Variants in MAP4K4 observed in about 807,000 individuals in gnomAD.
MAP4K4 encodes the protein HPK/GCK-like kinase HGK.
MAP4K4 carries 38 observed loss-of-function variants against 189.6 expected under a neutral mutation model. The ratio of observed to expected loss-of-function variants is 0.20; its 90% CI spans 0.15 to 0.26. The LOEUF (loss-of-function observed/expected upper bound fraction) is 0.26. MAP4K4 is among the 10% of genes least tolerant of loss of function. MAP4K4 has a pLI of 1.00. For synonymous variants in MAP4K4, 610 were observed against 624.3 expected (o/e 0.98, Z 0.34); for missense variants, 1,054 against 1,726.9 (o/e 0.61, Z 6.91).
chr2:101,776,653 G>T lies in MAP4K4; in HGVS notation c.124-14067G>T, dbSNP rs566692564. 2.3e-5 allele frequency among the ~76,000 whole-genome samples: 3 copies of T among 128,034 alleles called. No individual in the cohort carries two copies. In the East Asian group the frequency reaches 7.1e-4, roughly 30 times the overall value. 84.0% of individuals were successfully genotyped at this position (128,034 alleles called of 152,430 possible). A position where few individuals can be genotyped will look rare whatever the true frequency, so the allele number is the denominator to read the frequency against. ...AATGAATTACTAGGGAGGATTTATT[G>T]CCAGGGAGAAGAACCCTGCTATTAG... is the stretch of plus-strand genomic sequence containing the variant. On this transcript the variant is annotated intron_variant, in intron 2 of 32. Coordinates refer to ENST00000324219, the Ensembl canonical transcript of MAP4K4.
In MAP4K4 at chr2:101,856,178, G is replaced by C. The variant is rs767469462; in HGVS notation, c.1395+40G>C. ...AACATAGCAGGCATACACTTGTGAA[G>C]TTTGTTACTTTGCAGAGCTGGGGGA... On this transcript the variant is annotated intron_variant, in intron 13 of 32. Transcript: ENST00000324219. 4 of 1,536,218 alleles carry C rather than the reference G, an allele frequency of 2.6e-6. No individual in the cohort carries two copies. In the South Asian group the frequency reaches 3.7e-5, roughly 14 times the overall value.
Position 101,809,528 on chromosome 2 carries a change from G to A in MAP4K4, c.181-14400G>A, listed in dbSNP as rs148270076. 6.7e-3 allele frequency among the ~76,000 whole-genome samples: 1,012 copies of A among 152,158 alleles called. 11 individuals are homozygous for A. Among genetic ancestry groups the A allele is most frequent in the African/African-American group, 0.024 (979 of 41,502 alleles). ...TGAATATAAATAAAACTGAAGTTAG[G>A]GAAAGGAAGCAGCATATTACTTAGA... On this transcript the variant is annotated intron_variant, in intron 3 of 32. Coordinates refer to ENST00000324219, the Ensembl canonical transcript of MAP4K4.
intron 2 of MAP4K4, among the ~76,000 whole-genome samples, chr2:101,744,668 C>A (rs1286062279): frequency 1.3e-5 from 2 of 152,144 alleles, no homozygotes; most frequent in Non-Finnish European, 1.5e-5. Context: ...GCTTTACCTT[C>A]TCTCCAAGAG....
At chr2:101,732,904 A>G (rs2059079193) in intron 2 of MAP4K4, among the ~76,000 whole-genome samples, 1 of 152,122 alleles carries the variant, frequency 6.6e-6, no homozygotes, top group South Asian at 2.1e-4. Flanking sequence ...CTCCCATTTT[A>G]AGTGCCGGTG....
At position 101,887,982 on chromosome 2, in the gene MAP4K4, G is replaced by A. The variant is rs762343390; in HGVS notation, c.3931+45G>A. On this transcript the variant is annotated intron_variant, in intron 31 of 32. Coordinates refer to ENST00000324219, the Ensembl canonical transcript of MAP4K4. Reference sequence around the variant, plus strand: ...AGGCAGCATTTGTGAAAATGGAGCCGTGTCTGAGACTCCATTTATTTATCA... The same window carrying A: ...AGGCAGCATTTGTGAAAATGGAGCCATGTCTGAGACTCCATTTATTTATCA... 9.3e-6 allele frequency: 14 copies of A among 1,502,178 alleles called. No individual in the cohort carries two copies. In the Admixed American group the frequency reaches 9.9e-5, roughly 11 times the overall value. 93.1% of individuals were successfully genotyped at this position (1,502,178 alleles called of 1,614,324 possible). A position where few individuals can be genotyped will look rare whatever the true frequency, so the allele number is the denominator to read the frequency against.
At chr2:101,750,007 A>G (rs2149941573) in intron 2 of MAP4K4, among the ~76,000 whole-genome samples, 1 of 146,742 alleles carries the variant, frequency 6.8e-6, no homozygotes, top group South Asian at 2.1e-4. Context: ...AAGTCTGGAA[A>G]CAACAGGTGC....
chr2:101,844,397 T>TGA, intron 12 of MAP4K4, 86 bp downstream of exon 12: 8 of 1,070,312 alleles, frequency 7.5e-6, no homozygotes, highest in Non-Finnish European at 1.1e-5. Context: ...GAATATCCTC[T>TGA]GTAGCTTCCT....
chr2:101,877,216 CTT>C, intron 27 of MAP4K4, 70 bp downstream of exon 27: 6 of 1,474,738 alleles, frequency 4.1e-6, no homozygotes, highest in Non-Finnish European at 5.6e-6. Flanking sequence ...ACACACTAAA[CTT>C]CAGTTAGCTC....
intron 7 of MAP4K4, among the ~76,000 whole-genome samples, chr2:101,833,557 T>C (rs1164574424): frequency 6.6e-6 from 1 of 151,606 alleles, no homozygotes; most frequent in Non-Finnish European, 1.5e-5. Flanking sequence ...GAGGTGGAGC[T>C]TGCGGTGAGC....
intron 20 of MAP4K4, 48 bp downstream of exon 20, chr2:101,867,357 ATCTT>A: frequency 7.2e-7 from 1 of 1,388,446 alleles, no homozygotes; most frequent in Non-Finnish European, 1.0e-6. Context: ...CTTGAATGAG[ATCTT>A]TCTATTAAAA....
At chr2:101,726,665 A>C (rs144843581) in intron 2 of MAP4K4, among the ~76,000 whole-genome samples, 455 of 152,322 alleles carry the variant, frequency 3.0e-3, no homozygotes, top group Non-Finnish European at 5.5e-3. Context: ...TTTGGACTTA[A>C]AGAGCCTTAA....
intron 26 of MAP4K4, among the ~76,000 whole-genome samples, chr2:101,875,129 A>C (rs1261622013): frequency 6.6e-6 from 1 of 152,224 alleles, no homozygotes; most frequent in East Asian, 1.9e-4. Context: ...TCTGTCTGGC[A>C]GCAGTTCTAT....
chr2:101,784,870 G>A (rs1440804589), intron 2 of MAP4K4, among the ~76,000 whole-genome samples: 1 of 152,142 alleles, frequency 6.6e-6, no homozygotes, highest in Non-Finnish European at 1.5e-5. Flanking sequence ...TGTGACTCTT[G>A]AGCTTGTTAA....
intron 3 of MAP4K4, among the ~76,000 whole-genome samples, chr2:101,816,653 C>G (rs546706105): frequency 6.6e-6 from 1 of 152,168 alleles, no homozygotes; most frequent in South Asian, 2.1e-4. Flanking sequence ...CCTTTTGCTC[C>G]GGGAATGACT....
intron 2 of MAP4K4, among the ~76,000 whole-genome samples, chr2:101,749,129 T>C (rs1400846642): frequency 3.3e-5 from 5 of 150,002 alleles, no homozygotes; most frequent in Admixed American, 6.6e-5. Flanking sequence ...AAGCTACCAA[T>C]GCCTTTCTTC....
At chr2:101,757,720 T>C (rs1161854517) in intron 2 of MAP4K4, among the ~76,000 whole-genome samples, 1 of 152,126 alleles carries the variant, frequency 6.6e-6, no homozygotes, top group African/African-American at 2.4e-5. Context: ...CAAAAGCTAA[T>C]AATAAAATAC....
In MAP4K4 at chr2:101,860,598, T is replaced by C. The variant is rs1405136178; in HGVS notation, c.1705-227T>C. The C allele has an allele frequency of 8.7e-6, 4 of 459,584 alleles. No homozygotes were observed. The East Asian group carries it at 1.4e-4, about 17-fold the overall frequency. The allele number at this position is 459,584 out of a possible 1,614,324, so 28.5% of individuals were successfully genotyped here. A position where few individuals can be genotyped will look rare whatever the true frequency, so the allele number is the denominator to read the frequency against. On this transcript the variant is annotated intron_variant, in intron 15 of 32. Transcript: ENST00000324219. ...TAGAATTCTGAGCAAGGAGGAGAGC[T>C]TAGAGACTGCCTTGCTAATTTTTAT...
Position 101,826,736 on chromosome 2 carries a change from T to G in MAP4K4, c.417+1307T>G, listed in dbSNP as rs114341379. Among the ~76,000 whole-genome samples the G allele has an allele frequency of 4.6e-3, 696 of 152,316 alleles. 8 individuals carry two copies. Among genetic ancestry groups the G allele is most frequent in the African/African-American group, 0.016 (655 of 41,566 alleles). ...TAGCACACCCTATGTTATTCAACTT[T>G]CAGGACTTACTTTCTCCTCATCTAT... On this transcript the variant is annotated intron_variant, in intron 5 of 32. Transcript: ENST00000324219.
At chr2:101,785,691 T>TTTTC (rs1558913423) in intron 2 of MAP4K4, among the ~76,000 whole-genome samples, 13 of 2,808 alleles carry the variant, frequency 4.6e-3, no homozygotes, top group South Asian at 0.042. Flanking sequence ...TCTCTCTCTC[T>TTTTC]CTCTCTCTCT....
Sources: allele counts gnomAD v4.1 joint callset (sites outside exome capture counted in the v4.1 genomes callset), GRCh38; gene constraint gnomAD v4.1.1; transcripts MANE v1.5; gene names NCBI Gene and HGNC (gene_info 2026-07-23, HGNC 2026-07-21).